Variants in TMEM178B observed in about 807,000 individuals in gnomAD.
TMEM178B encodes transmembrane protein 178B.
TMEM178B carries 5 observed loss-of-function variants against 31.0 expected under a neutral mutation model. The observed-to-expected ratio is 0.16, with a 90% CI of 0.08 to 0.34. The LOEUF (loss-of-function observed/expected upper bound fraction) is 0.34. Among genes scored for constraint, TMEM178B ranks in the 10% least tolerant of loss-of-function variants. The pLI is 1.00. For synonymous variants in TMEM178B, 164 were observed against 164.0 expected, an observed-to-expected ratio of 1.00 and a Z score of 0.00; for missense variants, 275 against 400.3, an observed-to-expected ratio of 0.69 and a Z score of 2.67.
chr7:141,124,503 A>G (rs1480596828), intron 1 of TMEM178B, among the ~76,000 whole-genome samples: 3 of 152,204 alleles, frequency 2.0e-5, no homozygotes, highest in Non-Finnish European at 4.4e-5. Context: ...TCCTTTTACT[A>G]TTGGCAAGCA....
chr7:141,425,149 A>T (rs577027983), intron 2 of TMEM178B, among the ~76,000 whole-genome samples: 2 of 152,370 alleles, frequency 1.3e-5, no homozygotes, highest in South Asian at 4.1e-4. Context: ...TAGTAAATGC[A>T]TAATCAGTGT....
At chr7:141,277,023 G>T (rs1798277812) in intron 2 of TMEM178B, among the ~76,000 whole-genome samples, 1 of 152,248 alleles carries the variant, frequency 6.6e-6, no homozygotes. Context: ...GGGTGAGTCA[G>T]TGAGTGAGTG....
chr7:141,416,259 G>A (rs1194750756), intron 2 of TMEM178B: 1 of 152,716 alleles, frequency 6.5e-6, no homozygotes. Flanking sequence ...CCCAAGTCCA[G>A]AGACATTCCC....
chr7:141,158,396 C>G (rs527951602), intron 1 of TMEM178B, among the ~76,000 whole-genome samples: 1 of 152,306 alleles, frequency 6.6e-6, no homozygotes, highest in East Asian at 1.9e-4. Context: ...ATGCTTGGCC[C>G]CTCAGGTTGC....
intron 2 of TMEM178B, among the ~76,000 whole-genome samples, chr7:141,283,153 C>A (rs1350219148): frequency 6.6e-6 from 1 of 152,218 alleles, no homozygotes; most frequent in Non-Finnish European, 1.5e-5. Context: ...GTCCTAAGAG[C>A]ATAGACTCAG....
chr7:141,102,361 C>A (rs1030102610), intron 1 of TMEM178B, among the ~76,000 whole-genome samples: 2 of 152,124 alleles, frequency 1.3e-5, no homozygotes, highest in Admixed American at 1.3e-4. Context: ...ACAGTGGTCA[C>A]TTTGCTAGAG....
intron 1 of TMEM178B, among the ~76,000 whole-genome samples, chr7:141,106,928 A>G (rs1298643606): frequency 6.6e-6 from 1 of 152,178 alleles, no homozygotes; most frequent in African/African-American, 2.4e-5. Flanking sequence ...TGGGGAGACA[A>G]CAATTGGAGG....
At chr7:141,295,496 GT>G (rs1234681843) in intron 2 of TMEM178B, among the ~76,000 whole-genome samples, 1 of 152,114 alleles carries the variant, frequency 6.6e-6, no homozygotes, top group Non-Finnish European at 1.5e-5. Context: ...TCCTTATGAG[GT>G]ATCCTTATTC....
chr7:141,124,224 A>G (rs1251931478), intron 1 of TMEM178B, among the ~76,000 whole-genome samples: 2 of 152,062 alleles, frequency 1.3e-5, no homozygotes, highest in Non-Finnish European at 2.9e-5. Flanking sequence ...AAAATTAGTC[A>G]GGCGTGGTGG....
chr7:141,267,262 A>C (rs6464440), intron 2 of TMEM178B, among the ~76,000 whole-genome samples: 1 of 151,990 alleles, frequency 6.6e-6, no homozygotes, highest in South Asian at 2.1e-4. Context: ...TTTCCTGTCT[A>C]TCCTGACAAG....
In TMEM178B at chr7:141,476,709, T is replaced by C. The variant is rs1802370860; in HGVS notation, c.*5923T>C. On this transcript the variant is annotated 3_prime_UTR_variant, in exon 4 of 4. Coordinates refer to ENST00000565468, the MANE Select transcript of TMEM178B (RefSeq NM_001195278.2). ...ATCCTGTTTGGGAAAAACAGAATCC[T>C]AGGTTCTAAACAAGAAAAGAACGCC... 6.6e-6 allele frequency: 1 copy of C among 152,220 alleles called. No homozygotes were observed. The highest frequency in any genetic ancestry group is 2.4e-5 in the African/African-American group (1 of 41,450). The allele number at this position is 152,220 out of a possible 1,614,324, so 9.4% of individuals were successfully genotyped here.
intron 2 of TMEM178B, among the ~76,000 whole-genome samples, chr7:141,353,336 C>CA (rs1225501296): frequency 6.6e-6 from 1 of 152,134 alleles, no homozygotes. Context: ...TCTTTCCATG[C>CA]AACACAAGAC....
At chr7:141,154,204 A>G (rs961258041) in intron 1 of TMEM178B, among the ~76,000 whole-genome samples, 1 of 152,244 alleles carries the variant, frequency 6.6e-6, no homozygotes, top group Admixed American at 6.5e-5. Flanking sequence ...AAAGAGGAAA[A>G]TTCTTTAGAC....
chr7:141,264,991 G>A (rs1798073505), intron 2 of TMEM178B, among the ~76,000 whole-genome samples: 1 of 152,108 alleles, frequency 6.6e-6, no homozygotes, highest in Admixed American at 6.6e-5. Context: ...TCACTAATGG[G>A]GGAGATATTA....
At position 141,396,521 on chromosome 7, in the gene TMEM178B, G is replaced by A. The variant is rs549217275; in HGVS notation, c.497-41087G>A. ...GGGTCTGGGCCTCTCATACTGCAGAGTGGAAAACAGAGCCTCAGAAAGATG... is the reference window on the plus strand; with the variant it reads ...GGGTCTGGGCCTCTCATACTGCAGAATGGAAAACAGAGCCTCAGAAAGATG... On this transcript the variant is annotated intron_variant, in intron 2 of 3. Transcript: ENST00000565468. 5.2e-4 allele frequency among the ~76,000 whole-genome samples: 74 copies of A among 141,302 alleles called. 1 individual carries two copies. In the South Asian group the frequency reaches 0.016, roughly 30 times the overall value. The allele number at this position is 141,302 out of a possible 152,430, so 92.7% of individuals were successfully genotyped here.
rs997327303 is a variant in TMEM178B, at chr7:141,476,376, G to A, written c.*5590G>A. 1 of 152,022 alleles carries A rather than the reference G, an allele frequency of 6.6e-6. No individual in the cohort carries two copies. The highest frequency in any genetic ancestry group is 2.4e-5 in the African/African-American group (1 of 41,370). The allele number at this position is 152,022 out of a possible 1,614,324, so 9.4% of individuals were successfully genotyped here. On this transcript the variant is annotated 3_prime_UTR_variant, in exon 4 of 4. Coordinates refer to ENST00000565468, the MANE Select transcript of TMEM178B (RefSeq NM_001195278.2). ...GTGACAGAATGAGTAAACCATATGG[G>A]GCAAATAGCATATATGAGCTAAACC...
At chr7:141,358,401 C>T (rs1799859494) in intron 2 of TMEM178B, among the ~76,000 whole-genome samples, 2 of 152,096 alleles carry the variant, frequency 1.3e-5, no homozygotes, top group Admixed American at 1.3e-4. Flanking sequence ...TACAAGAAAC[C>T]TCTATGTCTT....
At chr7:141,150,902 T>C (rs1417687193) in intron 1 of TMEM178B, among the ~76,000 whole-genome samples, 1 of 152,218 alleles carries the variant, frequency 6.6e-6, no homozygotes, top group Admixed American at 6.5e-5. Flanking sequence ...AGAAAAGAGC[T>C]ATACTGTTCA....
Position 141,475,973 on chromosome 7 carries a change from A to G in TMEM178B, c.*5187A>G, listed in dbSNP as rs1802357697. On this transcript the variant is annotated 3_prime_UTR_variant, in exon 4 of 4. Transcript: ENST00000565468. ...TCCATACTTGAACTTCCTCATCTAC[A>G]AAATGAGGATAAGTGATAACACCTT... is the stretch of plus-strand genomic sequence containing the variant. 6.6e-6 allele frequency: 1 copy of G among 152,224 alleles called. No individual in the cohort carries two copies. 9.4% of individuals were successfully genotyped at this position (152,224 alleles called of 1,614,324 possible).
Sources: gnomAD v4.1 joint callset for allele counts (sites outside exome capture counted in the v4.1 genomes callset) on GRCh38, gnomAD v4.1.1 for gene constraint, MANE v1.5 for transcripts, NCBI Gene and HGNC (gene_info 2026-07-23, HGNC 2026-07-21) for gene names.